Variants in KAZN observed in about 807,000 individuals in gnomAD.
KAZN encodes kazrin.
In KAZN, 40 loss-of-function variants were observed where a neutral mutation model predicts 87.4. The observed-to-expected ratio is 0.46, with a 90% CI of 0.36 to 0.60. The LOEUF is 0.60. Ranked by LOEUF, KAZN falls within the 20% of genes least tolerant of loss-of-function variation. The pLI is 0.00. For missense variants in KAZN, 898 were observed against 1,073.9 expected (o/e 0.84, Z 2.29); for synonymous variants, 466 against 458.3 (o/e 1.02, Z -0.22).
At chr1:14,021,661 TGTCCTGAG>T (rs773008797) in intron 1 of KAZN, among the ~76,000 whole-genome samples, 1 of 152,216 alleles carries the variant, frequency 6.6e-6, no homozygotes, top group Non-Finnish European at 1.5e-5. Flanking sequence ...AGACTGCCTT[TGTCCTGAG>T]GTCAATGCCC....
chr1:14,603,800 T>A (rs1677153493), intron 1 of KAZN, among the ~76,000 whole-genome samples: 1 of 152,118 alleles, frequency 6.6e-6, no homozygotes, highest in African/African-American at 2.4e-5. Flanking sequence ...TTATAATGTG[T>A]GACTTCCTGG....
intron 1 of KAZN, among the ~76,000 whole-genome samples, chr1:13,907,566 C>G (rs552292128): frequency 3.0e-4 from 46 of 152,118 alleles, no homozygotes; most frequent in Admixed American, 1.1e-3. Context: ...TATCTGGTCT[C>G]TGTTACTCTC....
At chr1:14,667,117 T>A (rs772716197) in intron 1 of KAZN, among the ~76,000 whole-genome samples, 1 of 152,222 alleles carries the variant, frequency 6.6e-6, no homozygotes, top group Non-Finnish European at 1.5e-5. Context: ...AAATAAGTTT[T>A]CCATTCTGAG....
intron 1 of KAZN, among the ~76,000 whole-genome samples, chr1:14,087,643 T>G (rs1387057730): frequency 6.6e-6 from 1 of 152,090 alleles, no homozygotes; most frequent in Non-Finnish European, 1.5e-5. Context: ...CTTATTTTGC[T>G]GAGAGTTTTT....
At chr1:14,948,302 G>T (rs1030917953) in intron 1 of KAZN, among the ~76,000 whole-genome samples, 1 of 152,120 alleles carries the variant, frequency 6.6e-6, no homozygotes, top group Non-Finnish European at 1.5e-5. Context: ...TCAACTATTC[G>T]GATATTATCT....
intron 1 of KAZN, among the ~76,000 whole-genome samples, chr1:14,783,798 C>G (rs1032229710): frequency 1.3e-5 from 2 of 152,030 alleles, no homozygotes; most frequent in Non-Finnish European, 2.9e-5. Context: ...GGCATGGGCG[C>G]ACAAGAGACC....
chr1:14,169,374 C>T (rs1645901122), intron 1 of KAZN, among the ~76,000 whole-genome samples: 1 of 152,114 alleles, frequency 6.6e-6, no homozygotes, highest in Non-Finnish European at 1.5e-5. Context: ...CCAGACTGCC[C>T]ATTAGAATGT....
Position 15,094,958 on chromosome 1 carries a change from G to A in KAZN, c.1547+25G>A. On this transcript the variant is annotated intron_variant, in intron 10 of 14. Transcript: ENST00000376030. The surrounding 1 kb of genome is among the most constrained non-coding windows in gnomAD (Gnocchi z 4.5). ...GGTGAGCCCACCACGAGGGGCCCCG[G>A]GGGAGGAGAGAAAAAGTCATCCTGA... 12 of 1,505,596 alleles carry A rather than the reference G, an allele frequency of 8.0e-6. No homozygotes were observed. The highest frequency in any genetic ancestry group is 1.1e-5 in the Non-Finnish European group (12 of 1,107,632). The allele number at this position is 1,505,596 out of a possible 1,614,324, so 93.3% of individuals were successfully genotyped here. A position where few individuals can be genotyped will look rare whatever the true frequency, so the allele number is the denominator to read the frequency against.
intron 2 of KAZN, among the ~76,000 whole-genome samples, chr1:14,266,886 A>G (rs979971097): frequency 3.0e-4 from 46 of 151,964 alleles, no homozygotes; most frequent in African/African-American, 1.0e-3. Flanking sequence ...TCTTCTTTTT[A>G]TTTTATTATT....
Position 15,114,749 on chromosome 1 carries a change from T to G in KAZN, c.*114T>G. ...GCGGCCGCAGGCTGAGGATGTCCCT[T>G]GCTCCTGGGCAAAATCCCGATGGAC... On this transcript the variant is annotated 3_prime_UTR_variant, in exon 15 of 15. Coordinates refer to ENST00000376030, the MANE Select transcript of KAZN (RefSeq NM_201628.3). 9.2e-7 allele frequency: 1 copy of G among 1,083,106 alleles called. No individual in the cohort carries two copies. Among genetic ancestry groups the G allele is most frequent in the African/African-American group, 1.6e-5 (1 of 63,020 alleles). 67.1% of individuals were successfully genotyped at this position (1,083,106 alleles called of 1,614,324 possible).
At chr1:14,349,860 G>A (rs1286883442) in intron 2 of KAZN, among the ~76,000 whole-genome samples, 3 of 152,220 alleles carry the variant, frequency 2.0e-5, no homozygotes, top group South Asian at 2.1e-4. Flanking sequence ...CAAGAGGCCC[G>A]GTGCGGTGGC....
intron 1 of KAZN, among the ~76,000 whole-genome samples, chr1:14,814,729 C>T (rs1646514892): frequency 6.6e-6 from 1 of 152,170 alleles, no homozygotes; most frequent in African/African-American, 2.4e-5. Context: ...GAAATGATCC[C>T]AAGCAGGGCT....
At chr1:14,262,017 AT>A (rs1463309824) in intron 2 of KAZN, among the ~76,000 whole-genome samples, 2 of 151,910 alleles carry the variant, frequency 1.3e-5, no homozygotes, top group African/African-American at 4.8e-5. Flanking sequence ...ATAGTCATGT[AT>A]GTATTTAATC....
chr1:14,359,860 C>A (rs1183552582), intron 2 of KAZN, among the ~76,000 whole-genome samples: 4 of 152,196 alleles, frequency 2.6e-5, no homozygotes, highest in African/African-American at 9.7e-5. Context: ...TCTCTGGCTG[C>A]ACTTAACATT....
chr1:14,498,270 T>G (rs551552372), intron 2 of KAZN, among the ~76,000 whole-genome samples: 1 of 152,370 alleles, frequency 6.6e-6, no homozygotes, highest in South Asian at 2.1e-4. Flanking sequence ...TTGGTAGCAC[T>G]GTGCCAGGTC....
intron 1 of KAZN, among the ~76,000 whole-genome samples, chr1:14,821,889 G>A (rs1048998913): frequency 2.0e-5 from 3 of 152,248 alleles, no homozygotes; most frequent in Non-Finnish European, 2.9e-5. Context: ...GCAGAGTCCC[G>A]TCTGCCCTCA....
At chr1:14,391,433 A>C (rs1662413758) in intron 2 of KAZN, 1 of 152,408 alleles carries the variant, frequency 6.6e-6, no homozygotes, top group Admixed American at 6.5e-5. Context: ...GGATATCTTA[A>C]CCTTAACTCA....
At chr1:14,227,948 A>C (rs1174144646) in intron 2 of KAZN, among the ~76,000 whole-genome samples, 1 of 152,164 alleles carries the variant, frequency 6.6e-6, no homozygotes, top group Non-Finnish European at 1.5e-5. Flanking sequence ...TTGTATACTT[A>C]CACTCCAGAA....
At chr1:14,427,038 C>A (rs971817266) in intron 2 of KAZN, among the ~76,000 whole-genome samples, 3 of 152,200 alleles carry the variant, frequency 2.0e-5, no homozygotes, top group Non-Finnish European at 4.4e-5. Flanking sequence ...GGAAGACTGG[C>A]ATTAACCCAG....
Sources: allele counts gnomAD v4.1 joint callset (sites outside exome capture counted in the v4.1 genomes callset), GRCh38; gene constraint gnomAD v4.1.1; non-coding constraint Gnocchi (gnomAD v3.1); transcripts MANE v1.5; gene names NCBI Gene and HGNC (gene_info 2026-07-23, HGNC 2026-07-21).